Variants in LIN7A observed in about 807,000 individuals in gnomAD.
LIN7A encodes lin-7 cell polarity scaffold A, also known as protein lin-7 homolog A.
Under a neutral mutation model 29.8 loss-of-function variants are expected in LIN7A, and 25 were observed. That is an observed-to-expected ratio of 0.84 (90% CI 0.61 to 1.17). The LOEUF (loss-of-function observed/expected upper bound fraction) is 1.17. LIN7A is among the 50% of genes most tolerant of loss of function. The pLI, the probability that LIN7A is intolerant of heterozygous loss-of-function variation, is 0.00. For synonymous variants in LIN7A, 118 were observed against 107.5 expected (o/e 1.10, Z -0.60); for missense variants, 239 against 287.0 (o/e 0.83, Z 1.21).
intron 2 of LIN7A, among the ~76,000 whole-genome samples, chr12:80,878,401 T>C (rs1024130873): frequency 1.3e-5 from 2 of 152,206 alleles, no homozygotes; most frequent in African/African-American, 4.8e-5. Context: ...AAATGATAAA[T>C]TATATTCTCA....
chr12:80,902,119 C>A (rs542305435), intron 1 of LIN7A, among the ~76,000 whole-genome samples: 1 of 151,928 alleles, frequency 6.6e-6, no homozygotes, highest in Admixed American at 6.6e-5. Flanking sequence ...GAGTGTCTTT[C>A]CCCCATTGCT....
chr12:80,869,154 AT>A (rs1183917457), intron 2 of LIN7A, among the ~76,000 whole-genome samples: 1 of 148,714 alleles, frequency 6.7e-6, no homozygotes, highest in Non-Finnish European at 1.5e-5. Flanking sequence ...AAATAAATAT[AT>A]ATATATATAT....
At chr12:80,867,070 G>A (rs879288729) in intron 2 of LIN7A, among the ~76,000 whole-genome samples, 10 of 151,724 alleles carry the variant, frequency 6.6e-5, no homozygotes, top group Non-Finnish European at 1.2e-4. Flanking sequence ...CTCTTGCCTC[G>A]CCCCCCAAGT....
chr12:80,816,124 A>G (rs1871518620), intron 4 of LIN7A, among the ~76,000 whole-genome samples: 1 of 152,210 alleles, frequency 6.6e-6, no homozygotes, highest in East Asian at 1.9e-4. Context: ...TATGAGGTCA[A>G]GCACAGTGGC....
intron 3 of LIN7A, among the ~76,000 whole-genome samples, chr12:80,846,925 A>G (rs1873103701): frequency 6.6e-6 from 1 of 152,226 alleles, no homozygotes; most frequent in Admixed American, 6.5e-5. Flanking sequence ...GATGCCTGCT[A>G]TAAAGTGACT....
chr12:80,819,046 C>T (rs1416949977), intron 4 of LIN7A, among the ~76,000 whole-genome samples: 1 of 152,112 alleles, frequency 6.6e-6, no homozygotes, highest in African/African-American at 2.4e-5. Context: ...TTCAGTTACC[C>T]AGGGTCAATC....
chr12:80,898,245 G>GT (rs1429623398), intron 1 of LIN7A, among the ~76,000 whole-genome samples: 1 of 152,166 alleles, frequency 6.6e-6, no homozygotes, highest in African/African-American at 2.4e-5. Flanking sequence ...TCCATTGCTT[G>GT]TTTTTGTCAA....
intron 4 of LIN7A, among the ~76,000 whole-genome samples, chr12:80,829,480 A>C (rs778728760): frequency 9.9e-5 from 15 of 152,208 alleles, no homozygotes; most frequent in Non-Finnish European, 1.9e-4. Flanking sequence ...TTCATGGTTC[A>C]ATATATAGGC....
intron 1 of LIN7A, among the ~76,000 whole-genome samples, chr12:80,911,414 T>C (rs1478828248): frequency 6.6e-6 from 1 of 151,930 alleles, no homozygotes; most frequent in African/African-American, 2.4e-5. Flanking sequence ...TGGGTCTGGC[T>C]TGGAAATGCA....
intron 1 of LIN7A, among the ~76,000 whole-genome samples, chr12:80,922,510 C>T (rs970928069): frequency 6.6e-6 from 1 of 152,172 alleles, no homozygotes; most frequent in South Asian, 2.1e-4. Flanking sequence ...TTACAGGCCA[C>T]TGAAAGGTAA....
chr12:80,923,251 G>A (rs917955308), intron 1 of LIN7A, among the ~76,000 whole-genome samples: 2 of 152,126 alleles, frequency 1.3e-5, no homozygotes, highest in African/African-American at 4.8e-5. Context: ...AACTCATTGG[G>A]GTTCTCAGGC....
At position 80,794,573 on chromosome 12, in the gene LIN7A, T is replaced by A. The variant is rs1008855721; in HGVS notation, c.*3154A>T. ...ATGAAATGAGATAAGATCAGTTTGA[T>A]GTCACAGTTGAAAACTGCATTTGTA... On this transcript the variant is annotated 3_prime_UTR_variant, in exon 6 of 6. Transcript: ENST00000552864. 2.6e-5 allele frequency: 4 copies of A among 152,266 alleles called. No homozygotes were observed. The highest frequency in any genetic ancestry group is 1.3e-4 in the Admixed American group (2 of 15,278). 9.4% of individuals were successfully genotyped at this position (152,266 alleles called of 1,614,324 possible). A position where few individuals can be genotyped will look rare whatever the true frequency, so the allele number is the denominator to read the frequency against.
chr12:80,841,398 A>AGGAT (rs1872812936), intron 4 of LIN7A, among the ~76,000 whole-genome samples: 1 of 139,182 alleles, frequency 7.2e-6, no homozygotes, highest in Admixed American at 7.2e-5. Context: ...GAAGGAAGGA[A>AGGAT]GGAAGGAAGG....
chr12:80,918,384 A>C (rs939130868), intron 1 of LIN7A, among the ~76,000 whole-genome samples: 1 of 152,096 alleles, frequency 6.6e-6, no homozygotes, highest in Non-Finnish European at 1.5e-5. Flanking sequence ...TCCTGAACCA[A>C]GTAGGTGGAA....
At chr12:80,841,401 AAG>A (rs1872814029) in intron 4 of LIN7A, among the ~76,000 whole-genome samples, 1 of 148,042 alleles carries the variant, frequency 6.8e-6, no homozygotes, top group African/African-American at 2.5e-5. Flanking sequence ...GGAAGGAAGG[AAG>A]GAAGGAGGGA....
At chr12:80,925,939 A>G (rs1183668937) in intron 1 of LIN7A, among the ~76,000 whole-genome samples, 1 of 151,908 alleles carries the variant, frequency 6.6e-6, no homozygotes, top group African/African-American at 2.4e-5. Context: ...TCTCCTCTTT[A>G]TTTTCTTTCT....
At position 80,815,603 on chromosome 12, in the gene LIN7A, G is replaced by A. The variant is rs1159877551; in HGVS notation, c.484-3920C>T. Among the ~76,000 whole-genome samples the A allele has an allele frequency of 2.0e-5, 3 of 152,224 alleles. No individual in the cohort carries two copies. The South Asian group carries it at 6.2e-4, about 32-fold the overall frequency. ...TCAGAGTTGTCTTTTATAAGAACCAGTGTAAGTTTGAGCAATCACTGAAAA... is the reference window on the plus strand; with the variant it reads ...TCAGAGTTGTCTTTTATAAGAACCAATGTAAGTTTGAGCAATCACTGAAAA... On this transcript the variant is annotated intron_variant, in intron 4 of 5. Transcript: ENST00000552864.
rs902077961 is a variant in LIN7A, at chr12:80,845,598, A to G, written c.483+132T>C. Reference sequence around the variant, plus strand: ...AGCTTTTATAGGTTTAATATCCATCAATGCTTAGAAAGCTGGTTAGACATA... The same window carrying G: ...AGCTTTTATAGGTTTAATATCCATCGATGCTTAGAAAGCTGGTTAGACATA... On this transcript the variant is annotated intron_variant, in intron 4 of 5. Coordinates refer to ENST00000552864, the MANE Select transcript of LIN7A (RefSeq NM_004664.4). 3 of 651,980 alleles carry G rather than the reference A, an allele frequency of 4.6e-6. No homozygotes were observed. The African/African-American group carries it at 5.5e-5, about 12-fold the overall frequency. The allele number at this position is 651,980 out of a possible 1,614,324, so 40.4% of individuals were successfully genotyped here. A position where few individuals can be genotyped will look rare whatever the true frequency, so the allele number is the denominator to read the frequency against.
At chr12:80,886,204 GTT>G (rs11326256) in intron 2 of LIN7A, among the ~76,000 whole-genome samples, 25 of 148,342 alleles carry the variant, frequency 1.7e-4, no homozygotes, top group East Asian at 9.9e-4. Flanking sequence ...AAACTTCAAA[GTT>G]TTTTTTTTTT....
Sources: allele counts gnomAD v4.1 joint callset (sites outside exome capture counted in the v4.1 genomes callset), GRCh38; gene constraint gnomAD v4.1.1; transcripts MANE v1.5; gene names NCBI Gene and HGNC (gene_info 2026-07-23, HGNC 2026-07-21).